The following TENM3 variants were observed in gnomAD, a reference collection of about 807,000 sequenced individuals.
TENM3 encodes the protein teneurin transmembrane protein 3, also known as teneurin-3.
In TENM3, 63 loss-of-function variants were observed where a neutral mutation model predicts 255.1. The observed-to-expected ratio is 0.25, with a 90% CI of 0.20 to 0.30. The LOEUF is 0.30. TENM3 is among the 10% of genes least tolerant of loss of function. The pLI is 1.00. For synonymous variants in TENM3, 1,306 were observed against 1,322.3 expected (o/e 0.99, Z 0.27); for missense variants, 2,929 against 3,461.1 (o/e 0.85, Z 3.86).
chr4:182,658,643 C>G (rs1014402051), intron 6 of TENM3, among the ~76,000 whole-genome samples: 93 of 152,270 alleles, frequency 6.1e-4, no homozygotes, highest in African/African-American at 2.2e-3. Context: ...CATAACAAAC[C>G]ATAACAAAAC....
chr4:182,714,320 A>C, intron 13 of TENM3, 87 bp downstream of exon 13: 2 of 665,976 alleles, frequency 3.0e-6, no homozygotes, highest in South Asian at 3.7e-5. Context: ...GTTGCCAAAA[A>C]AAAAAAAAAA....
the TENM3 span, among the ~76,000 whole-genome samples, chr4:181,732,842 TAAG>T: frequency 1.3e-5 from 2 of 152,220 alleles, no homozygotes; most frequent in African/African-American, 4.8e-5. Flanking sequence ...TGGAGCATTT[TAAG>T]AACCACTAAA....
the TENM3 span, among the ~76,000 whole-genome samples, chr4:181,677,599 C>T: frequency 0.23 from 35,330 of 151,978 alleles, 4,517 homozygotes; most frequent in African/African-American, 0.33. Flanking sequence ...CTTTAAGTGC[C>T]TCCATTCATG....
chr4:181,548,917 C>T, the TENM3 span, among the ~76,000 whole-genome samples: 1 of 152,126 alleles, frequency 6.6e-6, no homozygotes, highest in East Asian at 1.9e-4. Flanking sequence ...AAATCTCCTT[C>T]CCTTAGAATC....
At chr4:181,658,860 C>A in the TENM3 span, among the ~76,000 whole-genome samples, 1 of 152,128 alleles carries the variant, frequency 6.6e-6, no homozygotes, top group Admixed American at 6.5e-5. Context: ...GGAGATGGAG[C>A]CAGGACACTC....
the TENM3 span, among the ~76,000 whole-genome samples, chr4:181,607,169 C>T: frequency 2.0e-5 from 3 of 152,104 alleles, no homozygotes; most frequent in African/African-American, 7.2e-5. Context: ...GCTTTGGGGG[C>T]CATTTGCCAT....
chr4:182,656,473 G>T (rs1055066724), intron 6 of TENM3, among the ~76,000 whole-genome samples: 4 of 152,106 alleles, frequency 2.6e-5, no homozygotes, highest in African/African-American at 9.7e-5. Flanking sequence ...TTACAAGGAG[G>T]GAGGTAGCTG....
the TENM3 span, among the ~76,000 whole-genome samples, chr4:181,528,658 T>C: frequency 0.13 from 19,819 of 152,248 alleles, 1,385 homozygotes; most frequent in East Asian, 0.2. Context: ...ATAAGGAAAG[T>C]GAGGCTGAGG....
the TENM3 span, among the ~76,000 whole-genome samples, chr4:181,514,208 A>G: frequency 6.6e-6 from 1 of 152,198 alleles, no homozygotes; most frequent in Non-Finnish European, 1.5e-5. Context: ...CCCTTTCCAC[A>G]ACAGTGTTAT....
At chr4:181,902,574 A>C in the TENM3 span, among the ~76,000 whole-genome samples, 2 of 152,206 alleles carry the variant, frequency 1.3e-5, no homozygotes, top group Non-Finnish European at 2.9e-5. Flanking sequence ...CATATACACC[A>C]TGGAATACTA....
the TENM3 span, among the ~76,000 whole-genome samples, chr4:181,994,551 T>TA: frequency 1.8e-5 from 2 of 109,362 alleles, no homozygotes; most frequent in Admixed American, 1.1e-4. Flanking sequence ...TTGTTTTTTG[T>TA]GGGTTTTTTT....
At chr4:182,557,480 G>A (rs1742688734) in intron 3 of TENM3, among the ~76,000 whole-genome samples, 1 of 152,116 alleles carries the variant, frequency 6.6e-6, no homozygotes, top group South Asian at 2.1e-4. Flanking sequence ...TTTTAAAAAA[G>A]GACAGGGGCC....
chr4:181,535,398 C>T, the TENM3 span, among the ~76,000 whole-genome samples: 4 of 152,200 alleles, frequency 2.6e-5, no homozygotes, highest in Non-Finnish European at 4.4e-5. Flanking sequence ...TGAGATAGGC[C>T]TAAAGGCCAA....
At chr4:182,466,522 G>A (rs1185166483) in intron 3 of TENM3, among the ~76,000 whole-genome samples, 1 of 151,144 alleles carries the variant, frequency 6.6e-6, no homozygotes, top group African/African-American at 2.4e-5. Context: ...TTGTGGAGGT[G>A]GGGTCTCCCT....
chr4:182,786,310 A>C (rs984605430), intron 24 of TENM3, among the ~76,000 whole-genome samples: 24 of 152,156 alleles, frequency 1.6e-4, no homozygotes, highest in African/African-American at 5.8e-4. Flanking sequence ...CAATCCCAGC[A>C]CTTTGGGAAG....
At chr4:182,501,373 TG>T (rs57346256) in intron 3 of TENM3, among the ~76,000 whole-genome samples, 82,279 of 134,740 alleles carry the variant, frequency 0.61, 26,574 homozygotes, top group Non-Finnish European at 0.73. Flanking sequence ...TGTCTAAAAG[TG>T]GGGGGGGGGG....
chr4:182,199,256 G>A (rs1754026797), intron 1 of TENM3, among the ~76,000 whole-genome samples: 1 of 152,064 alleles, frequency 6.6e-6, no homozygotes, highest in Non-Finnish European at 1.5e-5. Context: ...TTGAGGTCAG[G>A]AGCTCAAGAC....
chr4:182,568,067 A>G (rs570390781), intron 3 of TENM3, among the ~76,000 whole-genome samples: 1 of 152,338 alleles, frequency 6.6e-6, no homozygotes, highest in Non-Finnish European at 1.5e-5. Context: ...TGGAAAGAGA[A>G]TAATAGGACT....
At chr4:181,844,363 C>A in the TENM3 span, among the ~76,000 whole-genome samples, 1 of 152,134 alleles carries the variant, frequency 6.6e-6, no homozygotes, top group Non-Finnish European at 1.5e-5. Context: ...TATACCAGTT[C>A]TTTAATTCTA....
Sources: allele counts gnomAD v4.1 joint callset (sites outside exome capture counted in the v4.1 genomes callset), GRCh38; gene constraint gnomAD v4.1.1; transcripts MANE v1.5; gene names NCBI Gene and HGNC (gene_info 2026-07-23, HGNC 2026-07-21).